Variants in AHCTF1 observed in about 807,000 individuals in gnomAD.
AHCTF1 encodes the protein protein ELYS.
AHCTF1 carries 24 observed loss-of-function variants against 248.4 expected under a neutral mutation model. The observed-to-expected ratio is 0.10, with a 90% CI of 0.07 to 0.14. AHCTF1 has a LOEUF of 0.14. Ranked by LOEUF, AHCTF1 falls within the 10% of genes least tolerant of loss-of-function variation. The pLI is 1.00. For synonymous variants in AHCTF1, 786 were observed against 929.8 expected (o/e 0.85, Z 2.81); for missense variants, 2,206 against 2,636.2 (o/e 0.84, Z 3.57).
chr1:246,869,270 T>C (rs1444518856), intron 24 of AHCTF1, among the ~76,000 whole-genome samples: 1 of 152,086 alleles, frequency 6.6e-6, no homozygotes, highest in East Asian at 1.9e-4. Flanking sequence ...GTCTCTCCCT[T>C]TCCCCGAGGA....
Position 246,847,420 on chromosome 1 carries a change from T to C in AHCTF1, c.6391+2195A>G, listed in dbSNP as rs375306954. ...AACCATACATATGTATCTGGAACGATATACAGGAAAACGTGAATGGTGATT... is the reference window on the plus strand; with the variant it reads ...AACCATACATATGTATCTGGAACGACATACAGGAAAACGTGAATGGTGATT... On this transcript the variant is annotated intron_variant, in intron 33 of 35. Coordinates refer to ENST00000648844, the MANE Select transcript of AHCTF1 (RefSeq NM_001323342.2). 1.2e-3 allele frequency among the ~76,000 whole-genome samples: 188 copies of C among 152,338 alleles called. 3 individuals carry two copies. In the South Asian group the frequency reaches 0.038, roughly 31 times the overall value.
intron 35 of AHCTF1, among the ~76,000 whole-genome samples, chr1:246,841,302 A>T (rs1322865341): frequency 6.6e-6 from 1 of 152,178 alleles, no homozygotes; most frequent in African/African-American, 2.4e-5. Flanking sequence ...GATTACAAGG[A>T]CGGGCCGAGT....
intron 31 of AHCTF1, among the ~76,000 whole-genome samples, chr1:246,854,707 G>T (rs565823182): frequency 1.1e-3 from 168 of 152,196 alleles, no homozygotes; most frequent in Non-Finnish European, 1.9e-3. Flanking sequence ...TAGGAAATGG[G>T]TCTTATTAAT....
rs1665263977 is a variant in AHCTF1 at position 246,904,747 on chromosome 1, C to T, written c.882-714G>A. Among the ~76,000 whole-genome samples the T allele has an allele frequency of 2.0e-5, 3 of 152,188 alleles. No individual in the cohort carries two copies. The South Asian group carries it at 6.2e-4, about 32-fold the overall frequency. ...AAGAGCATAGATTCCAGAGCCACAT[C>T]ATCTGAATCTGAATTTTACTACTAG... On this transcript the variant is annotated intron_variant, in intron 6 of 35. Transcript: ENST00000648844.
Position 246,877,295 on chromosome 1 carries a change from C to T in AHCTF1, c.2668G>A (p.Val890Ile), listed in dbSNP as rs752673510. Residue 890 changes from valine (V) to isoleucine (I), a missense_variant, in exon 22 of 36, where the codon GTT becomes ATT. Transcript: ENST00000648844. ...TGCCGCAAAAAATTCCAGGCTTCAA[C>T]CATACACCTGAAAGCAGTATTTATC... ...LTVLLFNRCM[V>I]EAWNFLRQHC... The T allele has an allele frequency of 4.9e-5, 79 of 1,597,286 alleles. No individual in the cohort carries two copies. The highest frequency in any genetic ancestry group is 6.7e-5 in the Non-Finnish European group (79 of 1,174,572).
intron 1 of AHCTF1, among the ~76,000 whole-genome samples, chr1:246,929,410 A>AAAAAATAAAAAT (rs10666626): frequency 0.025 from 3,709 of 149,238 alleles, 177 homozygotes; most frequent in African/African-American, 0.086. Flanking sequence ...CTCCGTCTCA[A>AAAAAATAAAAAT]AAAAATAAAA....
At chr1:246,849,119 G>T (rs568333706) in intron 33 of AHCTF1, among the ~76,000 whole-genome samples, 81 of 152,310 alleles carry the variant, frequency 5.3e-4, no homozygotes, top group African/African-American at 1.9e-3. Flanking sequence ...TCGTGACAAT[G>T]AAGGATGGCC....
intron 1 of AHCTF1, among the ~76,000 whole-genome samples, chr1:246,929,623 T>C (rs187782843): frequency 3.1e-4 from 47 of 152,224 alleles, no homozygotes; most frequent in Non-Finnish European, 6.0e-4. Flanking sequence ...CATATGAGGA[T>C]AGACAGTAGC....
At chr1:246,883,972 T>C (rs952053725) in intron 21 of AHCTF1, among the ~76,000 whole-genome samples, 2 of 152,176 alleles carry the variant, frequency 1.3e-5, no homozygotes, top group Non-Finnish European at 2.9e-5. Flanking sequence ...CAAACATGTT[T>C]CTTCCAAAGT....
chr1:246,870,224 A>C (rs1201327994), intron 24 of AHCTF1, among the ~76,000 whole-genome samples: 4 of 152,164 alleles, frequency 2.6e-5, no homozygotes, highest in Admixed American at 6.5e-5. Flanking sequence ...TGGGAGGATC[A>C]CTTGAGGCCA....
chr1:246,895,041 G>A (rs188651412), intron 13 of AHCTF1, among the ~76,000 whole-genome samples: 19 of 151,470 alleles, frequency 1.3e-4, no homozygotes, highest in Non-Finnish European at 4.4e-5. Context: ...AAAAAAAAAG[G>A]TCAATTTTTT....
chr1:246,858,105 G>A (rs910014430), intron 29 of AHCTF1, among the ~76,000 whole-genome samples: 14 of 151,756 alleles, frequency 9.2e-5, no homozygotes, highest in South Asian at 8.3e-4. Flanking sequence ...CACTACAGAT[G>A]CCCGCCACCA....
intron 21 of AHCTF1, among the ~76,000 whole-genome samples, chr1:246,880,374 C>G (rs970410906): frequency 2.6e-5 from 4 of 151,834 alleles, no homozygotes; most frequent in African/African-American, 9.7e-5. Context: ...GCCAGCCTGA[C>G]CAACATGGTA....
At position 246,849,956 on chromosome 1, in the gene AHCTF1, C is replaced by A. The variant is rs201021519; in HGVS notation, c.6050G>T (p.Ser2017Ile). Reference sequence around the variant, plus strand: ...TGGTTTTCCAACATCAACATTTTCACTTTTAGCTGGGGTATTTCTTGTAGA... The same window carrying A: ...TGGTTTTCCAACATCAACATTTTCAATTTTAGCTGGGGTATTTCTTGTAGA... Reference protein sequence around the residue: ...RRSTRNTPAKSENVDVGKPAL... With the variant: ...RRSTRNTPAKIENVDVGKPAL... The change falls in exon 33 of 36, where the codon AGT (serine) becomes ATT (isoleucine). Residue 2017 changes from serine to isoleucine, a missense_variant. Transcript: ENST00000648844. 2.4e-5 allele frequency: 39 copies of A among 1,613,836 alleles called. No individual in the cohort carries two copies. In the East Asian group the frequency reaches 8.5e-4, roughly 35 times the overall value.
At chr1:246,928,684 A>T (rs546281609) in intron 1 of AHCTF1, among the ~76,000 whole-genome samples, 71 of 152,264 alleles carry the variant, frequency 4.7e-4, no homozygotes, top group Non-Finnish European at 9.1e-4. Flanking sequence ...AAATTCCTGC[A>T]GTAACTGAAT....
rs532087008 is a variant in AHCTF1 at position 246,885,325 on chromosome 1, T to C, written c.2660+168A>G. On this transcript the variant is annotated intron_variant, in intron 21 of 35. Coordinates refer to ENST00000648844, the MANE Select transcript of AHCTF1 (RefSeq NM_001323342.2). ...ACCTTCCATATATGCAGGTTTTACA[T>C]CCCATGAACACTGTATTTTCAATCT... 2.4e-4 allele frequency among the ~76,000 whole-genome samples: 36 copies of C among 151,868 alleles called. 2 individuals carry two copies. In the South Asian group the frequency reaches 7.3e-3, roughly 31 times the overall value.
chr1:246,862,237 T>G, intron 27 of AHCTF1, 84 bp from the exon 28 acceptor site: 1 of 982,270 alleles, frequency 1.0e-6, no homozygotes, highest in Non-Finnish European at 1.4e-6. Context: ...TCCCTGCACT[T>G]TGGGAGGCAG....
intron 1 of AHCTF1, among the ~76,000 whole-genome samples, chr1:246,924,667 A>AT (rs1173546247): frequency 6.6e-6 from 1 of 152,178 alleles, no homozygotes; most frequent in Non-Finnish European, 1.5e-5. Context: ...AAATTAAAAT[A>AT]TATGAGTTAT....
chr1:246,925,701 G>A (rs1300678168), intron 1 of AHCTF1, among the ~76,000 whole-genome samples: 1 of 152,114 alleles, frequency 6.6e-6, no homozygotes, highest in African/African-American at 2.4e-5. Flanking sequence ...TTGGAGGTGG[G>A]GCCTGGTAGG....
Sources: allele counts gnomAD v4.1 joint callset (sites outside exome capture counted in the v4.1 genomes callset), GRCh38; gene constraint gnomAD v4.1.1; transcripts MANE v1.5; gene names NCBI Gene and HGNC (gene_info 2026-07-23, HGNC 2026-07-21).